The following MAPT variants were observed in gnomAD, a reference collection of about 807,000 sequenced individuals.
MAPT encodes the protein microtubule-associated protein tau.
Under a neutral mutation model 67.9 loss-of-function variants are expected in MAPT, and 34 were observed. The ratio of observed to expected loss-of-function variants is 0.50; its 90% confidence interval spans 0.38 to 0.67. MAPT has a LOEUF of 0.67. Among genes scored for constraint, MAPT ranks in the 30% least tolerant of loss-of-function variants. MAPT has a pLI of 0.00. For missense variants in MAPT, 881 were observed against 1,115.2 expected (o/e 0.79, Z 2.99); for synonymous variants, 456 against 464.5 (o/e 0.98, Z 0.23).
chr17:45,956,986 C>T (rs1598144624), intron 1 of MAPT, among the ~76,000 whole-genome samples: 1 of 151,866 alleles, frequency 6.6e-6, no homozygotes, highest in African/African-American at 2.4e-5. Flanking sequence ...TTTTCTTAAT[C>T]CAGTCTATCA....
chr17:45,907,111 T>C (rs2064367659), intron 1 of MAPT, among the ~76,000 whole-genome samples: 1 of 152,192 alleles, frequency 6.6e-6, no homozygotes, highest in African/African-American at 2.4e-5. Flanking sequence ...TAAGCCAAGC[T>C]GGCCTCGAGC....
intron 2 of MAPT, among the ~76,000 whole-genome samples, chr17:45,964,379 C>T (rs2070807830): frequency 7.7e-6 from 1 of 130,548 alleles, no homozygotes; most frequent in Admixed American, 8.9e-5. Context: ...CCTGTTTTCT[C>T]CTTTGAATCC....
chr17:45,940,755 C>G (rs755230003), intron 1 of MAPT, among the ~76,000 whole-genome samples: 12 of 152,144 alleles, frequency 7.9e-5, no homozygotes, highest in Non-Finnish European at 1.2e-4. Flanking sequence ...TAGCTATAGA[C>G]AGAAAAATTT....
rs145133949 is a variant in MAPT, at chr17:45,982,511, G to T, written c.287-355G>T. ...TTCCCAGTAGATTAAGCCCAGGGCGGCTCCAGATGTGTGACATGCTCTGTG... is the reference window on the plus strand; with the variant it reads ...TTCCCAGTAGATTAAGCCCAGGGCGTCTCCAGATGTGTGACATGCTCTGTG... On this transcript the variant is annotated intron_variant, in intron 4 of 12. Coordinates refer to ENST00000262410, the MANE Select transcript of MAPT (RefSeq NM_001377265.1). Among the ~76,000 whole-genome samples the T allele has an allele frequency of 1.2e-3, 189 of 152,238 alleles. 3 individuals carry two copies. Among genetic ancestry groups the T allele is most frequent in the Non-Finnish European group, 3.1e-4 (21 of 68,022 alleles).
At chr17:45,970,335 T>G (rs2071535419) in intron 2 of MAPT, among the ~76,000 whole-genome samples, 1 of 151,662 alleles carries the variant, frequency 6.6e-6, no homozygotes, top group African/African-American at 2.4e-5. Context: ...ATTCAGTAAT[T>G]CACCCACCAT....
intron 1 of MAPT, among the ~76,000 whole-genome samples, chr17:45,953,627 C>T (rs1341414121): frequency 1.3e-5 from 2 of 152,220 alleles, no homozygotes; most frequent in Non-Finnish European, 2.9e-5. Flanking sequence ...ATTTCTGCAT[C>T]AGCCCCTGTA....
intron 1 of MAPT, among the ~76,000 whole-genome samples, chr17:45,932,263 C>T (rs896604701): frequency 6.6e-6 from 1 of 152,062 alleles, no homozygotes; most frequent in South Asian, 2.1e-4. Context: ...ATGCAAATGG[C>T]GCCAGAAGCA....
intron 9 of MAPT, among the ~76,000 whole-genome samples, chr17:46,001,119 C>G (rs1378130259): frequency 1.3e-5 from 2 of 152,018 alleles, no homozygotes; most frequent in East Asian, 3.9e-4. Flanking sequence ...GTTCCAGCTA[C>G]TCTAGAGGCT....
At chr17:45,965,337 G>C (rs1377699410) in intron 2 of MAPT, among the ~76,000 whole-genome samples, 1 of 151,796 alleles carries the variant, frequency 6.6e-6, no homozygotes, top group Non-Finnish European at 1.5e-5. Flanking sequence ...GGCTGAGGCA[G>C]GAGAATCACT....
At chr17:45,989,839 CT>C in intron 6 of MAPT, 38 bp from the exon 7 acceptor site, 1 of 1,580,548 alleles carries the variant, frequency 6.3e-7, no homozygotes, top group Admixed American at 1.7e-5. Flanking sequence ...CCTCCATGTG[CT>C]GACTTTTATT....
intron 10 of MAPT, among the ~76,000 whole-genome samples, chr17:46,012,221 G>C (rs369431731): frequency 3.3e-5 from 5 of 152,190 alleles, no homozygotes; most frequent in East Asian, 1.9e-4. Flanking sequence ...GAGTGCACAC[G>C]GGCTGCGTGG....
chr17:46,022,215 T>G (rs2076569792), intron 12 of MAPT, among the ~76,000 whole-genome samples: 1 of 151,678 alleles, frequency 6.6e-6, no homozygotes, highest in East Asian at 1.9e-4. Context: ...ATTAGCTGGG[T>G]GTGGTGGCAC....
rs538203627 is a variant in MAPT, at chr17:45,968,544, G to T, written c.134-3315G>T. Among the ~76,000 whole-genome samples the T allele has an allele frequency of 2.6e-5, 4 of 152,310 alleles. No individual in the cohort carries two copies. In the East Asian group the frequency reaches 7.7e-4, roughly 29 times the overall value. The stretch of plus-strand genomic sequence containing the variant: ...AGTCTGTGCCACAGAGGGAGTGTTT[G>T]CAATTTCCAGACTAAAAGTCCCCAT... On this transcript the variant is annotated intron_variant, in intron 2 of 12. Transcript: ENST00000262410.
chr17:45,992,846 G>A (rs1437515909), intron 8 of MAPT, among the ~76,000 whole-genome samples: 1 of 147,000 alleles, frequency 6.8e-6, no homozygotes, highest in African/African-American at 2.5e-5. Flanking sequence ...AGCTGAGATC[G>A]CACCATTGCA....
chr17:45,993,435 A>T lies in MAPT; in HGVS notation c.1732+1849A>T, dbSNP rs146610024. Among the ~76,000 whole-genome samples, 105 of 151,596 alleles carry T rather than the reference A, an allele frequency of 6.9e-4. No individual in the cohort carries two copies. In the East Asian group the frequency reaches 0.018, roughly 26 times the overall value. Reference sequence around the variant, plus strand: ...TGTTTTTTGTTGTTGTTTTTTTGAGACGGAGTCTCACTGTGTCACCCAGGC... The same window carrying T: ...TGTTTTTTGTTGTTGTTTTTTTGAGTCGGAGTCTCACTGTGTCACCCAGGC... On this transcript the variant is annotated intron_variant, in intron 8 of 12. Coordinates refer to ENST00000262410, the MANE Select transcript of MAPT (RefSeq NM_001377265.1).
At chr17:46,020,014 A>C (rs2076425658) in intron 12 of MAPT, among the ~76,000 whole-genome samples, 1 of 1,054 alleles carries the variant, frequency 9.5e-4, no homozygotes, top group Non-Finnish European at 2.2e-3. Context: ...TCCATCTCAC[A>C]AAAAAAAAAA....
rs1330104523 is a variant in MAPT, at chr17:46,027,364, G to GCACTC, written c.*3195_*3199dup. The stretch of plus-strand genomic sequence containing the variant: ...ATGAGGACAATCCCCCCAGGGCTGG[G>GCACTC]CACTCCTCCCCTCCCCTCACTTCTC... On this transcript the variant is annotated 3_prime_UTR_variant, in exon 13 of 13. Coordinates refer to ENST00000262410, the MANE Select transcript of MAPT (RefSeq NM_001377265.1). 1 of 152,944 alleles carries GCACTC rather than the reference G, an allele frequency of 6.5e-6. No homozygotes were observed. Among genetic ancestry groups the GCACTC allele is most frequent in the African/African-American group, 2.4e-5 (1 of 41,450 alleles). The allele number at this position is 152,944 out of a possible 1,614,324, so 9.5% of individuals were successfully genotyped here. A position where few individuals can be genotyped will look rare whatever the true frequency, so the allele number is the denominator to read the frequency against.
At chr17:45,947,993 TTTG>T (rs140618737) in intron 1 of MAPT, among the ~76,000 whole-genome samples, 21,761 of 151,904 alleles carry the variant, frequency 0.14, 2,117 homozygotes, top group Non-Finnish European at 0.22. Flanking sequence ...ACTAGGTTTT[TTTG>T]TTGTTGTTAT....
intron 1 of MAPT, among the ~76,000 whole-genome samples, chr17:45,930,774 G>A (rs2066780646): frequency 6.6e-6 from 1 of 152,192 alleles, no homozygotes. Flanking sequence ...TTTCTAGCCT[G>A]AGCTCACTCC....
Sources: gnomAD v4.1 joint callset for allele counts (sites outside exome capture counted in the v4.1 genomes callset) on GRCh38, gnomAD v4.1.1 for gene constraint, MANE v1.5 for transcripts, NCBI Gene and HGNC (gene_info 2026-07-23, HGNC 2026-07-21) for gene names.